Variants in RAB2A observed in about 807,000 individuals in gnomAD.
RAB2A encodes ras-related protein Rab-2A.
In RAB2A, 7 loss-of-function variants were observed where a neutral mutation model predicts 32.5. The ratio of observed to expected loss-of-function variants is 0.22; its 90% CI spans 0.12 to 0.40. The LOEUF (loss-of-function observed/expected upper bound fraction) is 0.40, where lower values mean the gene tolerates loss of function less well. RAB2A is among the 10% of genes least tolerant of loss of function. The pLI is 1.00. For missense variants in RAB2A, 108 were observed against 260.7 expected (o/e 0.41, Z 4.03); for synonymous variants, 79 against 85.2 (o/e 0.93, Z 0.40).
chr8:60,562,715 T>A (rs2326568), intron 2 of RAB2A, among the ~76,000 whole-genome samples: 3 of 151,904 alleles, frequency 2.0e-5, no homozygotes, highest in Admixed American at 6.6e-5. Context: ...TGATAGGTGC[T>A]TAATGTTCAT....
At chr8:60,559,741 T>C (rs1013553169) in intron 2 of RAB2A, among the ~76,000 whole-genome samples, 2 of 152,232 alleles carry the variant, frequency 1.3e-5, no homozygotes. Flanking sequence ...GACGAGATAA[T>C]TGGAAATCTA....
intron 2 of RAB2A, among the ~76,000 whole-genome samples, chr8:60,560,389 G>A (rs1808003704): frequency 6.6e-6 from 1 of 152,168 alleles, no homozygotes; most frequent in Admixed American, 6.5e-5. Context: ...GCACTGGCCT[G>A]TTTAATGAGC....
rs960046723 is a variant in RAB2A, at chr8:60,570,857, T to C, written c.119-1189T>C. Among the ~76,000 whole-genome samples, 3 of 152,338 alleles carry C rather than the reference T, an allele frequency of 2.0e-5. No homozygotes were observed. In the East Asian group the frequency reaches 5.8e-4, roughly 29 times the overall value. On this transcript the variant is annotated intron_variant, in intron 2 of 7. Transcript: ENST00000262646. ...CCTTCTAATCACAGTTGGGGAGTTA[T>C]GGGAGATGCTGAACTGGAATTCTGA... is the stretch of plus-strand genomic sequence containing the variant.
intron 1 of RAB2A, among the ~76,000 whole-genome samples, chr8:60,556,641 TAAAAAAA>T (rs11393857): frequency 1.9e-5 from 2 of 106,598 alleles, no homozygotes; most frequent in East Asian, 2.5e-4. Flanking sequence ...CTCTTTTTAA[TAAAAAAA>T]AAAAAAAAAA....
chr8:60,600,501 C>T (rs533532780), intron 6 of RAB2A, among the ~76,000 whole-genome samples: 3 of 152,190 alleles, frequency 2.0e-5, no homozygotes, highest in Non-Finnish European at 2.9e-5. Context: ...ATGGCAGTTT[C>T]TTTAAACACT....
chr8:60,575,861 T>C (rs1451940336), intron 3 of RAB2A, among the ~76,000 whole-genome samples: 2 of 152,096 alleles, frequency 1.3e-5, no homozygotes, highest in Non-Finnish European at 2.9e-5. Flanking sequence ...TTCTCCATGT[T>C]GGTCAGGCTG....
intron 3 of RAB2A, chr8:60,584,001 T>G (rs547135001): frequency 4.4e-6 from 2 of 449,608 alleles, no homozygotes; most frequent in African/African-American, 3.9e-5. Flanking sequence ...AGCGACTACA[T>G]GTGCACTACA....
chr8:60,616,043 T>G (rs565043115), intron 6 of RAB2A, among the ~76,000 whole-genome samples: 5 of 152,330 alleles, frequency 3.3e-5, no homozygotes, highest in Non-Finnish European at 7.4e-5. Flanking sequence ...TAATGTAGCA[T>G]TATCCAAAGA....
upstream of RAB2A, chr8:60,516,931 G>C (rs901985810): frequency 1.5e-5 from 5 of 323,600 alleles, no homozygotes; most frequent in African/African-American, 1.1e-4. Flanking sequence ...GGCGCCGGCG[G>C]CCGCAGAACT....
At chr8:60,547,918 C>T (rs1160407594) in intron 1 of RAB2A, among the ~76,000 whole-genome samples, 12 of 112,630 alleles carry the variant, frequency 1.1e-4, no homozygotes, top group African/African-American at 4.2e-4. Flanking sequence ...GGCGGCTGGC[C>T]GGGCAGAGTG....
intron 6 of RAB2A, among the ~76,000 whole-genome samples, chr8:60,600,675 A>G (rs1323089798): frequency 6.6e-6 from 1 of 152,192 alleles, no homozygotes; most frequent in Non-Finnish European, 1.5e-5. Flanking sequence ...GTTGAAGGAC[A>G]CTTTAGTGGC....
chr8:60,611,559 A>T lies in RAB2A; in HGVS notation c.475-7021A>T, dbSNP rs184338174. On this transcript the variant is annotated intron_variant, in intron 6 of 7. Transcript: ENST00000262646. ...ATACCACATCCTTGAGATGTAAGGTATTCATATTTATCTGAGTGTCCTCAG... is the reference window on the plus strand; with the variant it reads ...ATACCACATCCTTGAGATGTAAGGTTTTCATATTTATCTGAGTGTCCTCAG... 8.5e-5 allele frequency among the ~76,000 whole-genome samples: 13 copies of T among 152,348 alleles called. No homozygotes were observed. In the South Asian group the frequency reaches 1.2e-3, roughly 15 times the overall value.
In RAB2A at chr8:60,618,604, AT is replaced by A; in HGVS notation, c.502del (p.Tyr168MetfsTer52). On this transcript the variant is annotated frameshift_variant, in exon 7 of 8. Coordinates refer to ENST00000262646, the MANE Select transcript of RAB2A (RefSeq NM_002865.3). LOFTEE classifies it high-confidence loss of function. ...EEAFINTAKE[I>X]YEKIQEGVFD... ...GGCATTTATTAATACAGCAAAAGAA[AT>A]TTATGAAAAAATTCAAGAAGGAGTC... The A allele has an allele frequency of 8.1e-7, 1 of 1,229,234 alleles. No individual in the cohort carries two copies. The allele number at this position is 1,229,234 out of a possible 1,614,324, so 76.1% of individuals were successfully genotyped here. A position where few individuals can be genotyped will look rare whatever the true frequency, so the allele number is the denominator to read the frequency against.
intron 1 of RAB2A, among the ~76,000 whole-genome samples, chr8:60,537,502 C>T (rs898599447): frequency 2.0e-5 from 3 of 152,118 alleles, no homozygotes; most frequent in Non-Finnish European, 4.4e-5. Context: ...GGATTACAGG[C>T]GTGAGCCACC....
chr8:60,519,336 C>T (rs1486960901), intron 1 of RAB2A, among the ~76,000 whole-genome samples: 2 of 149,154 alleles, frequency 1.3e-5, no homozygotes, highest in Non-Finnish European at 2.9e-5. Flanking sequence ...TCCCGCTATT[C>T]CCCACCTTGC....
At chr8:60,532,409 C>T (rs1319203050) in intron 1 of RAB2A, among the ~76,000 whole-genome samples, 1 of 151,976 alleles carries the variant, frequency 6.6e-6, no homozygotes, top group Non-Finnish European at 1.5e-5. Flanking sequence ...TAATGTATGC[C>T]CGATGAATTG....
chr8:60,583,544 T>C (rs974816668), intron 3 of RAB2A, among the ~76,000 whole-genome samples: 1 of 152,114 alleles, frequency 6.6e-6, no homozygotes, highest in Non-Finnish European at 1.5e-5. Context: ...ACAGAGAAAA[T>C]TGATTAAGTG....
intron 3 of RAB2A, among the ~76,000 whole-genome samples, chr8:60,581,100 C>A (rs141796864): frequency 3.3e-5 from 5 of 152,280 alleles, no homozygotes; most frequent in Admixed American, 2.0e-4. Context: ...GTGCTGAACT[C>A]TATATATACT....
In RAB2A at chr8:60,584,826, TAA is replaced by T; in HGVS notation, c.362+12_362+13del. 6.3e-7 allele frequency: 1 copy of T among 1,584,842 alleles called. No homozygotes were observed. The highest frequency in any genetic ancestry group is 8.7e-7 in the Non-Finnish European group (1 of 1,154,206). Reference sequence around the variant, plus strand: ...TATTGGAAATAAAAGGTAAAAAGGCTAATTTAGAGCTTACATTGCATTAGTGA... The same window carrying T: ...TATTGGAAATAAAAGGTAAAAAGGCTTTTAGAGCTTACATTGCATTAGTGA... On this transcript the variant is annotated intron_variant, in intron 5 of 7. Coordinates refer to ENST00000262646, the MANE Select transcript of RAB2A (RefSeq NM_002865.3).
Sources: allele counts gnomAD v4.1 joint callset (sites outside exome capture counted in the v4.1 genomes callset), GRCh38; gene constraint gnomAD v4.1.1; transcripts MANE v1.5; gene names NCBI Gene and HGNC (gene_info 2026-07-23, HGNC 2026-07-21).